Variants in ANXA9 observed in about 807,000 individuals in gnomAD.
ANXA9 encodes the protein annexin A9, also known as annexin 31.
ANXA9 carries 47 observed loss-of-function variants against 51.8 expected under a neutral mutation model. The observed-to-expected ratio is 0.91, with a 90% CI of 0.72 to 1.16. The LOEUF (loss-of-function observed/expected upper bound fraction) is 1.16, where lower values mean the gene tolerates loss of function less well. Among genes scored for constraint, ANXA9 ranks in the 50% most tolerant of loss-of-function variants. The pLI, the probability that ANXA9 is intolerant of heterozygous loss-of-function variation, is 0.00. For synonymous variants in ANXA9, 154 were observed against 168.7 expected (o/e 0.91, Z 0.68); for missense variants, 361 against 424.7 (o/e 0.85, Z 1.32).
At chr1:150,978,437 A>C (rs888338491), upstream of ANXA9, among the ~76,000 whole-genome samples, 1 of 152,174 alleles carries the variant, frequency 6.6e-6, no homozygotes, top group Non-Finnish European at 1.5e-5. Context: ...CTCAATAAAT[A>C]AATAAATAAA....
intron 7 of ANXA9, among the ~76,000 whole-genome samples, chr1:150,985,176 T>TCTCTCG (rs1230808533): frequency 7.3e-6 from 1 of 136,258 alleles, no homozygotes; most frequent in Admixed American, 7.3e-5. Context: ...TGTCTCTCTC[T>TCTCTCG]CTCTCTCTCT....
At position 150,986,577 on chromosome 1, in the gene ANXA9, C is replaced by T. The variant is rs587601084; in HGVS notation, c.553-25C>T. ...ATAAAAAGGTGCCCTTCAAAGAGCC[C>T]TCTAAGAACAGTTTCTCCTCCTAGG... On this transcript the variant is annotated intron_variant, in intron 8 of 13. Coordinates refer to ENST00000368947, the MANE Select transcript of ANXA9 (RefSeq NM_003568.3). The T allele has an allele frequency of 1.9e-5, 31 of 1,611,810 alleles. No individual in the cohort carries two copies. In the Admixed American group the frequency reaches 3.2e-4, roughly 17 times the overall value.
Position 150,983,127 on chromosome 1 carries a change from A to G in ANXA9, c.22A>G (p.Met8Val), listed in dbSNP as rs775265271. MSVTGGK[M>V]APSLTQEILS... ...CACCATGTCTGTGACTGGCGGGAAG[A>G]TGGCACCGTCCCTCACCCAGGAGAT... Residue 8 changes from methionine (M) to valine (V), a missense_variant, in exon 3 of 14, where the codon ATG becomes GTG. Met to Val is a conservative substitution (Grantham distance 21, BLOSUM62 1). Transcript: ENST00000368947. The G allele has an allele frequency of 4.3e-4, 702 of 1,613,860 alleles. No homozygotes were observed. The highest frequency in any genetic ancestry group is 5.7e-4 in the Non-Finnish European group (675 of 1,179,954).
At position 150,995,394 on chromosome 1, in the gene ANXA9, A is replaced by G; in HGVS notation, c.*72A>G. The G allele has an allele frequency of 6.9e-7, 1 of 1,445,554 alleles. No homozygotes were observed. The highest frequency in any genetic ancestry group is 2.5e-5 in the East Asian group (1 of 40,246). 89.5% of individuals were successfully genotyped at this position (1,445,554 alleles called of 1,614,324 possible). On this transcript the variant is annotated 3_prime_UTR_variant, in exon 14 of 14. Transcript: ENST00000368947. ...CGTGTTTGGCTGAACCTGGGAGACC[A>G]GCTGGGCCTCCAAGTAGGATAACCC...
At chr1:150,991,597 A>G (rs1192590825) in intron 12 of ANXA9, among the ~76,000 whole-genome samples, 8 of 151,602 alleles carry the variant, frequency 5.3e-5, no homozygotes, top group Non-Finnish European at 7.4e-5. Context: ...GCTGGAGTGC[A>G]GTGGCACGAT....
At chr1:150,991,564 A>G (rs1182607588) in intron 12 of ANXA9, among the ~76,000 whole-genome samples, 1 of 143,420 alleles carries the variant, frequency 7.0e-6, no homozygotes, top group East Asian at 2.1e-4. Context: ...TTCCTTTGAG[A>G]TGGAGTCTCA....
At chr1:150,983,027 G>A (rs2102786990) in intron 2 of ANXA9, 63 bp from the exon 3 acceptor site, 1 of 1,279,174 alleles carries the variant, frequency 7.8e-7, no homozygotes, top group East Asian at 2.3e-5. Flanking sequence ...TCTCGGGGGG[G>A]TCATAAGGAG....
In ANXA9 at chr1:150,991,160, TAATA is replaced by T. The variant is rs936000772; in HGVS notation, c.852+2830_852+2833del. On this transcript the variant is annotated intron_variant, in intron 12 of 13. Coordinates refer to ENST00000368947, the MANE Select transcript of ANXA9 (RefSeq NM_003568.3). ...TCCATCTCTAAAAAAAAAATAATAA[TAATA>T]AATAAATAAACAAATATAAAATAAA... is the stretch of plus-strand genomic sequence containing the variant. Among the ~76,000 whole-genome samples, 32 of 150,220 alleles carry T rather than the reference TAATA, an allele frequency of 2.1e-4. No individual in the cohort carries two copies. In the South Asian group the frequency reaches 2.7e-3, roughly 13 times the overall value.
In ANXA9 at chr1:150,991,996, G is replaced by T. The variant is rs587676031; in HGVS notation, c.853-2581G>T. Among the ~76,000 whole-genome samples the T allele has an allele frequency of 4.6e-5, 7 of 151,956 alleles. No individual in the cohort carries two copies. The East Asian group carries it at 1.4e-3, about 30-fold the overall frequency. The stretch of plus-strand genomic sequence containing the variant: ...TGACCAGGCTGGTCTCAAACTCCTG[G>T]CCTCAGGTGATCCACCAGCCTCAGT... On this transcript the variant is annotated intron_variant, in intron 12 of 13. Coordinates refer to ENST00000368947, the MANE Select transcript of ANXA9 (RefSeq NM_003568.3).
chr1:150,985,318 C>A (rs981721753), intron 7 of ANXA9, among the ~76,000 whole-genome samples: 2 of 152,120 alleles, frequency 1.3e-5, no homozygotes, highest in African/African-American at 4.8e-5. Context: ...ACCTTCCCAG[C>A]CCCTTGCCAT....
At chr1:150,977,462 C>T (rs1671357238), upstream of ANXA9, among the ~76,000 whole-genome samples, 2 of 152,228 alleles carry the variant, frequency 1.3e-5, no homozygotes, top group South Asian at 2.1e-4. Flanking sequence ...CCCCAACACG[C>T]AGGCTGGCAT....
intron 11 of ANXA9, 31 bp downstream of exon 11, chr1:150,988,217 GTC>G (rs755540101): frequency 4.5e-5 from 72 of 1,614,106 alleles, no homozygotes; most frequent in Non-Finnish European, 6.1e-5. Flanking sequence ...TGTGAAGTAA[GTC>G]TCTCTTGGGA....
chr1:150,987,417 C>T (rs1269029123), intron 9 of ANXA9, among the ~76,000 whole-genome samples: 1 of 149,772 alleles, frequency 6.7e-6, no homozygotes, highest in Non-Finnish European at 1.5e-5. Flanking sequence ...CACACACAAA[C>T]CTAGTTTACG....
intron 12 of ANXA9, among the ~76,000 whole-genome samples, chr1:150,990,623 G>A (rs190223111): frequency 1.8e-4 from 27 of 152,330 alleles, no homozygotes; most frequent in African/African-American, 6.5e-4. Flanking sequence ...GAGGCGGGTG[G>A]ATTATTTGAG....
In ANXA9 at chr1:150,987,911, T is replaced by C. The variant is rs750764152; in HGVS notation, c.652T>C (p.Trp218Arg). Residue 218 changes from tryptophan (W) to arginine (R), a missense_variant, in exon 10 of 14, where the codon TGG becomes CGG. Physicochemically the swap from Trp to Arg is moderately radical, Grantham distance 101. Transcript: ENST00000368947. ...AGAAGGACCTAGCAGAGAGGAAACA[T>C]GGGTCCCAGTCTTCACCCAGCGAAA... Reference protein sequence around the residue: ...RAEGPSREETWVPVFTQRNPE... With the variant: ...RAEGPSREETRVPVFTQRNPE... 1.1e-5 allele frequency: 17 copies of C among 1,613,928 alleles called. No individual in the cohort carries two copies. The highest frequency in any genetic ancestry group is 1.7e-5 in the Admixed American group (1 of 59,968).
At chr1:150,984,772 AC>A (rs1671507707) in intron 7 of ANXA9, 96 bp downstream of exon 7, 1 of 1,042,188 alleles carries the variant, frequency 9.6e-7, no homozygotes, top group Non-Finnish European at 1.4e-6. Flanking sequence ...CTATCTGGCA[AC>A]CTGGCTGCCT....
At chr1:150,980,127 T>C (rs999713769), upstream of ANXA9, among the ~76,000 whole-genome samples, 1 of 152,168 alleles carries the variant, frequency 6.6e-6, no homozygotes, top group African/African-American at 2.4e-5. Flanking sequence ...TTACAGGCGG[T>C]GGCTCACGCC....
upstream of ANXA9, among the ~76,000 whole-genome samples, chr1:150,977,361 T>C (rs959992529): frequency 6.6e-6 from 1 of 152,210 alleles, no homozygotes; most frequent in Non-Finnish European, 1.5e-5. Context: ...ACCGGGATGA[T>C]GCGACCAGCT....
intron 12 of ANXA9, among the ~76,000 whole-genome samples, chr1:150,992,008 C>T (rs1671714591): frequency 6.6e-6 from 1 of 152,118 alleles, no homozygotes; most frequent in Admixed American, 6.5e-5. Flanking sequence ...CTCAGGTGAT[C>T]CACCAGCCTC....
Sources: allele counts gnomAD v4.1 joint callset (sites outside exome capture counted in the v4.1 genomes callset), GRCh38; gene constraint gnomAD v4.1.1; transcripts MANE v1.5; gene names NCBI Gene and HGNC (gene_info 2026-07-23, HGNC 2026-07-21).